COL23A1: variants seen among roughly 807,000 people sequenced by gnomAD.
COL23A1 encodes collagen type XXIII alpha 1 chain.
A neutral mutation model predicts 99.3 loss-of-function variants in COL23A1; 97 were observed. That is an observed-to-expected ratio of 0.98 (90% CI 0.83 to 1.16). The LOEUF is 1.16. Ranked by LOEUF, COL23A1 falls within the 50% of genes most tolerant of loss-of-function variation. COL23A1 has a pLI of 0.00. For missense variants in COL23A1, 762 were observed against 757.4 expected, an observed-to-expected ratio of 1.01 and a Z score of -0.07; for synonymous variants, 320 against 308.2, an observed-to-expected ratio of 1.04 and a Z score of -0.40.
intron 3 of COL23A1, among the ~76,000 whole-genome samples, chr5:178,302,229 A>G (rs1190112548): frequency 1.4e-5 from 1 of 72,688 alleles, no homozygotes; most frequent in Non-Finnish European, 3.4e-5. Context: ...TGTGCGCCGG[A>G]GCACAGCGTC....
intron 2 of COL23A1, among the ~76,000 whole-genome samples, chr5:178,519,933 T>C (rs574240): frequency 0.51 from 77,013 of 151,240 alleles, 20,782 homozygotes; most frequent in Non-Finnish European, 0.6. Context: ...GGACAGATGG[T>C]TGGATGAAAG....
At chr5:178,391,136 T>C (rs1046872989) in intron 2 of COL23A1, among the ~76,000 whole-genome samples, 3 of 152,180 alleles carry the variant, frequency 2.0e-5, no homozygotes, top group African/African-American at 7.2e-5. Context: ...TTGTGAACTA[T>C]GCATGCAAGG....
At chr5:178,262,385 G>A (rs904424413) in intron 9 of COL23A1, 133 bp from the exon 10 acceptor site, 48 of 781,458 alleles carry the variant, frequency 6.1e-5, no homozygotes, top group Admixed American at 1.2e-4. Flanking sequence ...CCTGAAGAGC[G>A]AGTATCACTG....
rs1176314701 is a variant in COL23A1, at chr5:178,306,936, G to C, written c.362-17C>G. Reference sequence around the variant, plus strand: ...CAGGGGGCCCTAGACAGGAAAACAAGAATGCATTCATTGAGAAGGGAAGCC... The same window carrying C: ...CAGGGGGCCCTAGACAGGAAAACAACAATGCATTCATTGAGAAGGGAAGCC... On this transcript the variant is annotated splice_polypyrimidine_tract_variant and intron_variant, in intron 2 of 28. Transcript: ENST00000390654. This position sits in a 1 kb window ranked among gnomAD's most constrained non-coding sequence, Gnocchi z 4.1. 3 of 1,509,344 alleles carry C rather than the reference G, an allele frequency of 2.0e-6. No individual in the cohort carries two copies. Among genetic ancestry groups the C allele is most frequent in the Non-Finnish European group, 2.7e-6 (3 of 1,127,950 alleles). The allele number at this position is 1,509,344 out of a possible 1,614,324, so 93.5% of individuals were successfully genotyped here.
intron 2 of COL23A1, among the ~76,000 whole-genome samples, chr5:178,404,826 A>G (rs562297934): frequency 6.6e-6 from 1 of 151,760 alleles, no homozygotes; most frequent in Non-Finnish European, 1.5e-5. Context: ...GCGAGCTGCA[A>G]CTCTCCCTTT....
chr5:178,497,237 G>A (rs1562024537), intron 2 of COL23A1, among the ~76,000 whole-genome samples: 1 of 152,160 alleles, frequency 6.6e-6, no homozygotes, highest in Non-Finnish European at 1.5e-5. Flanking sequence ...GAGGAGCCAC[G>A]CGGTCCTAAT....
chr5:178,414,264 C>A (rs112566460), intron 2 of COL23A1, among the ~76,000 whole-genome samples: 107 of 152,338 alleles, frequency 7.0e-4, no homozygotes, highest in African/African-American at 2.2e-3. Flanking sequence ...AAATGAGTAT[C>A]TACCACCTGC....
At chr5:178,585,746 C>CACTCCACAGT (rs1281437181) in intron 1 of COL23A1, among the ~76,000 whole-genome samples, 2 of 92,932 alleles carry the variant, frequency 2.2e-5, no homozygotes, top group Admixed American at 1.1e-4. Flanking sequence ...CCCTGGCTGA[C>CACTCCACAGT]CCTGTTGGTT....
rs138772629 is a variant in COL23A1 at position 178,247,380 on chromosome 5, GGGGACTT to G, written c.1296+139_1296+145del. On this transcript the variant is annotated intron_variant, in intron 22 of 28. Transcript: ENST00000390654. Reference sequence around the variant, plus strand: ...AACGACATCGGGGAGGTTATGCCCTGGGGACTTGGGACGTTCAGGCGCTGGGAAGACT... The same window carrying G: ...AACGACATCGGGGAGGTTATGCCCTGGGGACGTTCAGGCGCTGGGAAGACT... The G allele has an allele frequency of 5.7e-4, 481 of 845,638 alleles. 3 individuals carry two copies. In the African/African-American group the frequency reaches 7.6e-3, roughly 13 times the overall value. 52.4% of individuals were successfully genotyped at this position (845,638 alleles called of 1,614,324 possible). A position where few individuals can be genotyped will look rare whatever the true frequency, so the allele number is the denominator to read the frequency against.
chr5:178,464,614 C>T (rs964758201), intron 2 of COL23A1, among the ~76,000 whole-genome samples: 3 of 152,180 alleles, frequency 2.0e-5, no homozygotes, highest in East Asian at 1.9e-4. Context: ...TCAGCCCTGA[C>T]GTGGAAGTGC....
intron 2 of COL23A1, among the ~76,000 whole-genome samples, chr5:178,379,821 C>T (rs750499775): frequency 7.3e-5 from 11 of 149,816 alleles, no homozygotes; most frequent in South Asian, 6.3e-4. Context: ...GCGGAGGTTG[C>T]GGTGAGCAGA....
At chr5:178,344,830 G>T in intron 2 of COL23A1, 1 of 697,452 alleles carries the variant, frequency 1.4e-6, no homozygotes, top group Non-Finnish European at 2.5e-6. Context: ...CAGGCCCATG[G>T]ATCTCATTGA....
intron 1 of COL23A1, among the ~76,000 whole-genome samples, chr5:178,580,671 G>A (rs568057683): frequency 5.9e-5 from 9 of 152,128 alleles, no homozygotes; most frequent in African/African-American, 1.2e-4. Context: ...TTCACATAAC[G>A]ACAAATCACA....
intron 2 of COL23A1, among the ~76,000 whole-genome samples, chr5:178,502,509 G>T (rs190962792): frequency 5.0e-4 from 76 of 152,266 alleles, no homozygotes; most frequent in African/African-American, 1.8e-3. Context: ...GATCCTCAGT[G>T]TCCTTAGTAA....
At chr5:178,261,798 T>G (rs1581475380) in intron 10 of COL23A1, 50 bp from the exon 11 acceptor site, 1 of 1,469,812 alleles carries the variant, frequency 6.8e-7, no homozygotes, top group Non-Finnish European at 9.5e-7. Context: ...AGGCTGCTCC[T>G]GGGCCTGTCC....
chr5:178,464,854 C>T (rs1581438924), intron 2 of COL23A1, among the ~76,000 whole-genome samples: 1 of 152,290 alleles, frequency 6.6e-6, no homozygotes, highest in South Asian at 2.1e-4. Context: ...GAGGAAGCAG[C>T]GCTTAGAGAG....
In COL23A1 at chr5:178,589,932, TCGGCCCAGGCGTCCAGGGCGCCTGG is replaced by T; in HGVS notation, c.241_265del (p.Pro81SerfsTer15). The T allele has an allele frequency of 7.5e-7, 1 of 1,324,554 alleles. No homozygotes were observed. The highest frequency in any genetic ancestry group is 9.6e-7 in the Non-Finnish European group (1 of 1,044,148). 82.1% of individuals were successfully genotyped at this position (1,324,554 alleles called of 1,614,324 possible). On this transcript the variant is annotated frameshift_variant, in exon 1 of 29. Coordinates refer to ENST00000390654, the MANE Select transcript of COL23A1 (RefSeq NM_173465.4). LOFTEE classifies it high-confidence loss of function. The surrounding 1 kb of genome is among the most constrained non-coding windows in gnomAD (Gnocchi z 5.4). ...CCGCAGCAGGCGCTCCAGGTGCGGCTCGGCCCAGGCGTCCAGGGCGCCTGGCGGCCCCGCGCGCCGCAGCAGCTCC... is the reference window on the plus strand; with the variant it reads ...CCGCAGCAGGCGCTCCAGGTGCGGCTCGGCCCCGCGCGCCGCAGCAGCTCC...
chr5:178,556,621 C>CAAATT (rs939723358), intron 2 of COL23A1, among the ~76,000 whole-genome samples: 1 of 96,856 alleles, frequency 1.0e-5, no homozygotes, highest in Non-Finnish European at 2.0e-5. Context: ...GAAACTCTGT[C>CAAATT]AAATTAAAAT....
Position 178,280,125 on chromosome 5 carries a change from C to T in COL23A1, c.441+8199G>A, listed in dbSNP as rs1280930863. Among the ~76,000 whole-genome samples the T allele has an allele frequency of 2.0e-5, 3 of 152,250 alleles. No homozygotes were observed. The highest frequency in any genetic ancestry group is 3.8e-4 in the East Asian group (2 of 5,200). On this transcript the variant is annotated intron_variant, in intron 5 of 28. Coordinates refer to ENST00000390654, the MANE Select transcript of COL23A1 (RefSeq NM_173465.4). The surrounding 1 kb of genome is among the most constrained non-coding windows in gnomAD (Gnocchi z 4.9). ...CGTCCATCCTGCTGGCTCTCGTGCC[C>T]GGCCAGGGAACACTAGAGGGCGCGC...
Sources: gnomAD v4.1 joint callset for allele counts (sites outside exome capture counted in the v4.1 genomes callset) on GRCh38, gnomAD v4.1.1 for gene constraint, Gnocchi (gnomAD v3.1) non-coding constraint, MANE v1.5 for transcripts, NCBI Gene and HGNC (gene_info 2026-07-23, HGNC 2026-07-21) for gene names.